Variants in MAPK15 observed in about 807,000 individuals in gnomAD.
MAPK15 encodes the protein mitogen-activated protein kinase 15.
In MAPK15, 61 loss-of-function variants were observed where a neutral mutation model predicts 60.8. The observed-to-expected ratio is 1.00, with a 90% CI of 0.82 to 1.24. The LOEUF is 1.24. Ranked by LOEUF, MAPK15 falls within the 50% of genes most tolerant of loss-of-function variation. The pLI is 0.00. For synonymous variants in MAPK15, 356 were observed against 319.9 expected, an observed-to-expected ratio of 1.11 and a Z score of -1.21; for missense variants, 808 against 741.1, an observed-to-expected ratio of 1.09 and a Z score of -1.05.
chr8:143,718,616 C>T lies in MAPK15; in HGVS notation c.287-159C>T, dbSNP rs1817904432. 3 of 662,580 alleles carry T rather than the reference C, an allele frequency of 4.5e-6. No individual in the cohort carries two copies. In the African/African-American group the frequency reaches 5.5e-5, roughly 12 times the overall value. The allele number at this position is 662,580 out of a possible 1,614,324, so 41.0% of individuals were successfully genotyped here. A position where few individuals can be genotyped will look rare whatever the true frequency, so the allele number is the denominator to read the frequency against. On this transcript the variant is annotated intron_variant, in intron 4 of 13. Coordinates refer to ENST00000338033, the MANE Select transcript of MAPK15 (RefSeq NM_139021.3). Reference sequence around the variant, plus strand: ...AGTGTTAAAACTCCTGCAGACCTCACCGCTGTGCCCACAGGCAGTGCACAG... The same window carrying T: ...AGTGTTAAAACTCCTGCAGACCTCATCGCTGTGCCCACAGGCAGTGCACAG...
rs559919523 is a variant in MAPK15, at chr8:143,717,589, C to T, written c.67-105C>T. The T allele has an allele frequency of 4.2e-5, 42 of 990,732 alleles. 2 individuals are homozygous for T. In the South Asian group the frequency reaches 4.3e-4, roughly 10 times the overall value. The allele number at this position is 990,732 out of a possible 1,614,324, so 61.4% of individuals were successfully genotyped here. ...GGGAGCCCACACTCCCATCCCCTCT[C>T]GGGACCCAGGATGGGAAGGAGGAGC... On this transcript the variant is annotated intron_variant, in intron 1 of 13. Transcript: ENST00000338033.
Position 143,720,526 on chromosome 8 carries a change from C to T in MAPK15, c.780-177C>T. ...TGGAGAGGAGGGCACCAGGGGGCCG[C>T]AGGGGTCTCTCCACCCTGCAGGGGC... On this transcript the variant is annotated intron_variant, in intron 8 of 13. Transcript: ENST00000338033. This position sits in a 1 kb window ranked among gnomAD's most constrained non-coding sequence, Gnocchi z 4.6. 6.9e-7 allele frequency: 1 copy of T among 1,455,142 alleles called. No individual in the cohort carries two copies. Among genetic ancestry groups the T allele is most frequent in the South Asian group, 1.5e-5 (1 of 68,404 alleles). 90.1% of individuals were successfully genotyped at this position (1,455,142 alleles called of 1,614,324 possible). A position where few individuals can be genotyped will look rare whatever the true frequency, so the allele number is the denominator to read the frequency against.
rs533100846 is a variant in MAPK15, at chr8:143,720,640, G to A, written c.780-63G>A. ...GTTTGGAAGCTGAGCCCCCAGCCAC[G>A]AACATGGATCTGAGGAGGGGCCCTT... On this transcript the variant is annotated intron_variant, in intron 8 of 13. Transcript: ENST00000338033. The surrounding 1 kb of genome is among the most constrained non-coding windows in gnomAD (Gnocchi z 4.6). 3.3e-5 allele frequency: 52 copies of A among 1,556,736 alleles called. No homozygotes were observed. The highest frequency in any genetic ancestry group is 2.0e-4 in the South Asian group (17 of 84,598).
chr8:143,719,214 C>T (rs1039909277), intron 6 of MAPK15, 58 bp downstream of exon 6: 1 of 1,498,224 alleles, frequency 6.7e-7, no homozygotes, highest in South Asian at 1.3e-5. Flanking sequence ...CCTGCCCAGC[C>T]AGGGCTCCCA....
In MAPK15 at chr8:143,720,798, G is replaced by A. The variant is rs782214797; in HGVS notation, c.875G>A (p.Arg292Gln). 113 of 1,613,488 alleles carry A rather than the reference G, an allele frequency of 7.0e-5. No homozygotes were observed. The highest frequency in any genetic ancestry group is 9.1e-5 in the Non-Finnish European group (107 of 1,179,898). The change falls in exon 9 of 14, where the codon CGG becomes CAG. Residue 292 changes from arginine (R) to glutamine (Q), a missense_variant. By Grantham distance (43) the Arg-to-Gln change is conservative. Transcript: ENST00000338033. The surrounding 1 kb of genome is among the most constrained non-coding windows in gnomAD (Gnocchi z 4.6). ...RRLLVFAPDK[R>Q]LSATQALQHP... Reference sequence around the variant, plus strand: ...CTCCTGGTGTTCGCCCCGGACAAGCGGTTAAGCGCGACCCAGGCACTGCAG... The same window carrying A: ...CTCCTGGTGTTCGCCCCGGACAAGCAGTTAAGCGCGACCCAGGCACTGCAG...
In MAPK15 at chr8:143,718,033, T is replaced by C. The variant is rs1157897235; in HGVS notation, c.166-14T>C. 6.2e-7 allele frequency: 1 copy of C among 1,613,980 alleles called. No individual in the cohort carries two copies. The highest frequency in any genetic ancestry group is 8.5e-7 in the Non-Finnish European group (1 of 1,180,012). On this transcript the variant is annotated splice_polypyrimidine_tract_variant and intron_variant, in intron 2 of 13. Transcript: ENST00000338033. ...GCTCCACCCACCCACACACCTGTGT[T>C]TCTGTCTCTTCAGAGAACATTCCGG...
At position 143,720,179 on chromosome 8, in the gene MAPK15, C is replaced by T. The variant is rs577425131; in HGVS notation, c.722-51C>T. 9.3e-4 allele frequency: 1,433 copies of T among 1,543,280 alleles called. 27 individuals are homozygous for T. The South Asian group carries it at 0.016, about 17-fold the overall frequency. Reference sequence around the variant, plus strand: ...ATGACTGGCCCCAGATGCCCTGAGCCGCCCCAGCCGACCAGGCCTGCCTGG... The same window carrying T: ...ATGACTGGCCCCAGATGCCCTGAGCTGCCCCAGCCGACCAGGCCTGCCTGG... On this transcript the variant is annotated intron_variant, in intron 7 of 13. Coordinates refer to ENST00000338033, the MANE Select transcript of MAPK15 (RefSeq NM_139021.3). This position sits in a 1 kb window ranked among gnomAD's most constrained non-coding sequence, Gnocchi z 4.6.
rs375053955 is a variant in MAPK15 at position 143,719,325 on chromosome 8, C to T, written c.582-18C>T. 1.3e-6 allele frequency: 2 copies of T among 1,589,690 alleles called. No homozygotes were observed. The highest frequency in any genetic ancestry group is 8.6e-7 in the Non-Finnish European group (1 of 1,166,760). On this transcript the variant is annotated intron_variant, in intron 6 of 13. Transcript: ENST00000338033. ...CTGCCTCTGGGTCTCTCCATGCCTA[C>T]ACCGCTTCCTGCCCCAGATACACCC... is the stretch of plus-strand genomic sequence containing the variant.
chr8:143,719,007 C>G lies in MAPK15; in HGVS notation c.432C>G (p.Leu144=). The change falls in exon 6 of 14, where the codon CTC becomes CTG. Residue 144 remains leucine, a synonymous_variant. Coordinates refer to ENST00000338033, the MANE Select transcript of MAPK15 (RefSeq NM_139021.3). ...VHRDQKPSNV[L]LDANCTVKLC... ...CCTCTCTGCAGCCGTCCAATGTGCT[C>G]CTGGATGCCAACTGCACAGTGAAGC... The G allele has an allele frequency of 6.2e-7, 1 of 1,607,768 alleles. No individual in the cohort carries two copies. The highest frequency in any genetic ancestry group is 2.2e-5 in the East Asian group (1 of 44,582).
chr8:143,722,205 A>G lies in MAPK15; in HGVS notation c.1589A>G (p.His530Arg), dbSNP rs782292523. Residue 530 changes from histidine to arginine, a missense_variant, in exon 14 of 14, where the codon CAC becomes CGC. Physicochemically the swap from His to Arg is conservative, Grantham distance 29 (BLOSUM62 0). Coordinates refer to ENST00000338033, the MANE Select transcript of MAPK15 (RefSeq NM_139021.3). ...GYSQAYGTVCHSALGHLPLLE... is the reference protein window; with the variant it reads ...GYSQAYGTVCRSALGHLPLLE... ...TCCCAAGCCTACGGGACTGTCTGCC[A>G]CTCGGCACTGGGCCACCTGCCCCTG... 44 of 1,605,968 alleles carry G rather than the reference A, an allele frequency of 2.7e-5. No individual in the cohort carries two copies. Among genetic ancestry groups the G allele is most frequent in the Admixed American group, 8.4e-5 (5 of 59,356 alleles).
chr8:143,717,761 T>C lies in MAPK15; in HGVS notation c.134T>C (p.Phe45Ser). The change falls in exon 2 of 14, where the codon TTT (phenylalanine) becomes TCT (serine). Residue 45 changes from phenylalanine (F) to serine (S), a missense_variant. Transcript: ENST00000338033. ...GAGGTCGTGGCCATCAAGAAAATCT[T>C]TGATGCTTTTAGGGATAAGACAGAT... ...TGEVVAIKKI[F>S]DAFRDKTDAQ... 9 of 1,612,306 alleles carry C rather than the reference T, an allele frequency of 5.6e-6. No individual in the cohort carries two copies. Among genetic ancestry groups the C allele is most frequent in the East Asian group, 2.2e-5 (1 of 44,834 alleles).
chr8:143,719,259 A>G (rs1554619225), intron 6 of MAPK15, 84 bp from the exon 7 acceptor site: 3 of 1,528,834 alleles, frequency 2.0e-6, no homozygotes, highest in Non-Finnish European at 2.6e-6. Context: ...TTGGTCCACA[A>G]GTGTTCCCCC....
At position 143,721,675 on chromosome 8, in the gene MAPK15, T is replaced by TA; in HGVS notation, c.1329+4dup. ...GCGCCCCCCTTGACACTCTCGCTGGTAAGTCATGGTGGGGCGGGCACAGGA... is the reference window on the plus strand; with the variant it reads ...GCGCCCCCCTTGACACTCTCGCTGGTAAAGTCATGGTGGGGCGGGCACAGGA... On this transcript the variant is annotated splice_region_variant and intron_variant, in intron 12 of 13. Transcript: ENST00000338033. 1 of 1,608,970 alleles carries TA rather than the reference T, an allele frequency of 6.2e-7. No homozygotes were observed. Among genetic ancestry groups the TA allele is most frequent in the South Asian group, 1.1e-5 (1 of 90,608 alleles).
chr8:143,720,865 A>G lies in MAPK15; in HGVS notation c.917+25A>G. 2.5e-6 allele frequency: 4 copies of G among 1,605,364 alleles called. No individual in the cohort carries two copies. The highest frequency in any genetic ancestry group is 2.6e-6 in the Non-Finnish European group (3 of 1,176,452). On this transcript the variant is annotated intron_variant, in intron 9 of 13. Transcript: ENST00000338033. This position sits in a 1 kb window ranked among gnomAD's most constrained non-coding sequence, Gnocchi z 4.6. ...GGTGGGGGTGGGAGAGAGTCCCCCA[A>G]GTGCGGGGGGACAGAGGTGGGGGCA...
At chr8:143,719,917 A>T (rs1817979812) in intron 7 of MAPK15, among the ~76,000 whole-genome samples, 1 of 151,186 alleles carries the variant, frequency 6.6e-6, no homozygotes. Flanking sequence ...GGCAAGAGGG[A>T]GCTGCACCGC....
intron 13 of MAPK15, 23 bp downstream of exon 13, chr8:143,721,903 C>G (rs782759964): frequency 6.5e-7 from 1 of 1,549,414 alleles, no homozygotes; most frequent in Admixed American, 1.8e-5. Flanking sequence ...CAGTCTGCCC[C>G]CGTCCCCTCA....
intron 11 of MAPK15, 35 bp from the exon 12 acceptor site, chr8:143,721,514 C>T (rs1554619833): frequency 6.2e-7 from 1 of 1,612,708 alleles, no homozygotes; most frequent in Admixed American, 1.7e-5. Context: ...TGGGGTTGAC[C>T]CACTGACCCC....
chr8:143,718,727 G>GTCCC, intron 4 of MAPK15, 48 bp from the exon 5 acceptor site: 1 of 514,524 alleles, frequency 1.9e-6, no homozygotes, highest in Non-Finnish European at 3.2e-6. Context: ...CCCCCAGGTT[G>GTCCC]CCCCCCCAGC....
At chr8:143,719,894 T>A (rs1554619350) in intron 7 of MAPK15, among the ~76,000 whole-genome samples, 1 of 151,096 alleles carries the variant, frequency 6.6e-6, no homozygotes, top group Admixed American at 6.6e-5. Flanking sequence ...TGGGGGTCAC[T>A]CTTGAGGGCG....
Sources: gnomAD v4.1 joint callset for allele counts (sites outside exome capture counted in the v4.1 genomes callset) on GRCh38, gnomAD v4.1.1 for gene constraint, Gnocchi (gnomAD v3.1) non-coding constraint, MANE v1.5 for transcripts, NCBI Gene and HGNC (gene_info 2026-07-23, HGNC 2026-07-21) for gene names.